The following SEC22C variants were observed in gnomAD, a reference collection of about 807,000 sequenced individuals.
SEC22C encodes vesicle-trafficking protein SEC22c.
In SEC22C, 29 loss-of-function variants were observed where a neutral mutation model predicts 34.7. The ratio of observed to expected loss-of-function variants is 0.84; its 90% CI spans 0.62 to 1.14. The LOEUF (loss-of-function observed/expected upper bound fraction) is 1.14. SEC22C is among the 50% of genes most tolerant of loss of function. The probability of loss-of-function intolerance (pLI) is 0.00; values close to 1 mark genes in which losing one functional copy is unlikely to be tolerated. For synonymous variants in SEC22C, 117 were observed against 132.8 expected (o/e 0.88, Z 0.82); for missense variants, 337 against 369.0 (o/e 0.91, Z 0.71).
At chr3:42,600,061 T>C (rs571008788) in intron 1 of SEC22C, among the ~76,000 whole-genome samples, 41 of 152,316 alleles carry the variant, frequency 2.7e-4, no homozygotes, top group African/African-American at 9.9e-4. Flanking sequence ...AGAGCATACA[T>C]ATATCTAACA....
chr3:42,565,021 G>T (rs907700000), intron 2 of SEC22C, among the ~76,000 whole-genome samples: 7 of 152,132 alleles, frequency 4.6e-5, no homozygotes, highest in Non-Finnish European at 7.4e-5. Context: ...ACCTCCCAAA[G>T]TGCTGGGATT....
chr3:42,591,660 C>G, intron 1 of SEC22C: 1 of 1,163,298 alleles, frequency 8.6e-7, no homozygotes, highest in South Asian at 1.2e-5. Flanking sequence ...CTGTGTGATG[C>G]GGTGCTTTCT....
At chr3:42,556,116 G>T in intron 5 of SEC22C, 121 bp from the exon 6 acceptor site, 1 of 715,742 alleles carries the variant, frequency 1.4e-6, no homozygotes, top group Non-Finnish European at 2.4e-6. Context: ...CCCTGGCTGG[G>T]TGAGACACAA....
At chr3:42,567,485 G>GT (rs1188031828) in intron 2 of SEC22C, among the ~76,000 whole-genome samples, 9 of 152,084 alleles carry the variant, frequency 5.9e-5, no homozygotes, top group South Asian at 2.1e-4. Context: ...ACTTAGTTAA[G>GT]TTTTTTTTAC....
rs945751648 is a variant in SEC22C, at chr3:42,599,691, C to G, written c.-28+1269G>C. ...TGGGCGACAGAGCGAGACTCCGTCT[C>G]AAAAAAAAAAAAAAGAGTCTTTTCA... On this transcript the variant is annotated intron_variant, in intron 1 of 6. Coordinates refer to the SEC22C transcript ENST00000417572. Among the ~76,000 whole-genome samples the G allele has an allele frequency of 6.5e-5, 6 of 92,992 alleles. No homozygotes were observed. In the East Asian group the frequency reaches 2.1e-3, roughly 32 times the overall value. 61.0% of individuals were successfully genotyped at this position (92,992 alleles called of 152,430 possible). A position where few individuals can be genotyped will look rare whatever the true frequency, so the allele number is the denominator to read the frequency against.
chr3:42,562,794 A>G (rs1703001657), intron 3 of SEC22C, among the ~76,000 whole-genome samples: 1 of 152,250 alleles, frequency 6.6e-6, no homozygotes, highest in Admixed American at 6.5e-5. Context: ...GCTGTGTTCC[A>G]AAGTCTCTAA....
chr3:42,576,755 G>A lies in SEC22C; in HGVS notation c.-28+5091C>T, dbSNP rs188343647. On this transcript the variant is annotated intron_variant, in intron 1 of 6. Coordinates refer to ENST00000264454, the MANE Select transcript of SEC22C (RefSeq NM_032970.4). Reference sequence around the variant, plus strand: ...TACTGAAAAAAAAAAATAAGCAAGCGAGTTTGTGGCTATAGATAAGATTAT... The same window carrying A: ...TACTGAAAAAAAAAAATAAGCAAGCAAGTTTGTGGCTATAGATAAGATTAT... Among the ~76,000 whole-genome samples the A allele has an allele frequency of 4.0e-5, 6 of 151,204 alleles. No homozygotes were observed. In the East Asian group the frequency reaches 9.7e-4, roughly 24 times the overall value.
intron 2 of SEC22C, chr3:42,563,954 G>C: frequency 7.4e-7 from 1 of 1,347,200 alleles, no homozygotes; most frequent in Non-Finnish European, 9.7e-7. Flanking sequence ...ATTCTATTGG[G>C]GGAATTAGCC....
chr3:42,599,995 G>A (rs997351599), intron 1 of SEC22C, among the ~76,000 whole-genome samples: 18 of 152,286 alleles, frequency 1.2e-4, no homozygotes, highest in African/African-American at 4.3e-4. Flanking sequence ...TGAAACGACA[G>A]GCCCAGATTG....
In SEC22C at chr3:42,548,714, C is replaced by T; in HGVS notation, c.*4534G>A. 6.2e-7 allele frequency: 1 copy of T among 1,612,624 alleles called. No homozygotes were observed. Among genetic ancestry groups the T allele is most frequent in the Non-Finnish European group, 8.5e-7 (1 of 1,179,012 alleles). The stretch of plus-strand genomic sequence containing the variant: ...CGCTCTGTGCCCAGGGAGTGAAAGG[C>T]AGGTCCAGGGTGGGAAGAAGAGGGG... On this transcript the variant is annotated 3_prime_UTR_variant, in exon 7 of 7. Coordinates refer to ENST00000264454, the MANE Select transcript of SEC22C (RefSeq NM_032970.4).
At chr3:42,600,887 C>A (rs1269918481) in intron 1 of SEC22C, 2 of 705,598 alleles carry the variant, frequency 2.8e-6, no homozygotes, top group African/African-American at 1.9e-5. Flanking sequence ...CGGCGTGAGG[C>A]ACCGTGGCGC....
In SEC22C at chr3:42,553,278, A is replaced by C. The variant is rs769959862; in HGVS notation, c.882T>G (p.Leu294=). 7.4e-6 allele frequency: 12 copies of C among 1,614,036 alleles called. No individual in the cohort carries two copies. In the Admixed American group the frequency reaches 1.3e-4, roughly 18 times the overall value. ...LSSYQILTRQ[L]QEKQSDCGV ...CTCCACAGTCAGACTGCTTCTCCTG[A>C]AGCTGCCTTGTTAGTATCTGATATG... Residue 294 remains leucine, a synonymous_variant, in exon 7 of 7, where the codon CTT becomes CTG. Transcript: ENST00000264454.
intron 1 of SEC22C, among the ~76,000 whole-genome samples, chr3:42,598,739 AG>A (rs901377450): frequency 6.6e-6 from 1 of 152,008 alleles, no homozygotes; most frequent in East Asian, 1.9e-4. Flanking sequence ...TTGGGAAAAG[AG>A]GGAAATGGGG....
chr3:42,583,710 T>G (rs760151457), upstream of SEC22C, among the ~76,000 whole-genome samples: 5 of 152,176 alleles, frequency 3.3e-5, no homozygotes, highest in Non-Finnish European at 5.9e-5. Flanking sequence ...TCATCTAATA[T>G]GCGCAGGCAC....
chr3:42,567,900 G>A (rs866195685), intron 2 of SEC22C, among the ~76,000 whole-genome samples: 2 of 151,818 alleles, frequency 1.3e-5, no homozygotes, highest in Non-Finnish European at 2.9e-5. Flanking sequence ...GTGAAACCCC[G>A]TCTCTACTAA....
At chr3:42,598,962 TATAG>T (rs1705142547) in intron 1 of SEC22C, among the ~76,000 whole-genome samples, 1 of 149,792 alleles carries the variant, frequency 6.7e-6, no homozygotes, top group South Asian at 2.1e-4. Flanking sequence ...TCTATAGATC[TATAG>T]ATAGATTTTT....
upstream of SEC22C, among the ~76,000 whole-genome samples, chr3:42,585,402 G>A (rs1704578022): frequency 6.6e-6 from 1 of 152,136 alleles, no homozygotes; most frequent in African/African-American, 2.4e-5. Flanking sequence ...CACTCCTAGG[G>A]TAACACCCTG....
chr3:42,560,110 CTCTCTCTCTCTATA>C (rs1162820542), intron 4 of SEC22C, among the ~76,000 whole-genome samples: 6 of 107,654 alleles, frequency 5.6e-5, no homozygotes, highest in African/African-American at 2.0e-4. Context: ...CTCTCTCTCT[CTCTCTCTCTCTATA>C]TATATATATA....
At position 42,552,255 on chromosome 3, in the gene SEC22C, G is replaced by A; in HGVS notation, c.*993C>T. 8.1e-6 allele frequency: 8 copies of A among 985,452 alleles called. No homozygotes were observed. Among genetic ancestry groups the A allele is most frequent in the Non-Finnish European group, 9.6e-6 (8 of 829,936 alleles). 61.0% of individuals were successfully genotyped at this position (985,452 alleles called of 1,614,324 possible). ...GCTAATTAAGATGACTGGGAAAGGTGCAGAGGAGTAATTAATTTTGGAGGC... is the reference window on the plus strand; with the variant it reads ...GCTAATTAAGATGACTGGGAAAGGTACAGAGGAGTAATTAATTTTGGAGGC... On this transcript the variant is annotated 3_prime_UTR_variant, in exon 7 of 7. Coordinates refer to ENST00000264454, the MANE Select transcript of SEC22C (RefSeq NM_032970.4).
Sources: gnomAD v4.1 joint callset for allele counts (sites outside exome capture counted in the v4.1 genomes callset) on GRCh38, gnomAD v4.1.1 for gene constraint, MANE v1.5 for transcripts, NCBI Gene and HGNC (gene_info 2026-07-23, HGNC 2026-07-21) for gene names.